CALN1: variants seen among roughly 807,000 people sequenced by gnomAD.
The protein encoded by CALN1 is calneuron 1, also known as calcium-binding protein 8.
CALN1 carries 17 observed loss-of-function variants against 30.6 expected under a neutral mutation model. The ratio of observed to expected loss-of-function variants is 0.56; its 90% CI spans 0.38 to 0.83. The LOEUF is 0.83. Ranked by LOEUF, CALN1 falls within the 40% of genes least tolerant of loss-of-function variation. CALN1 has a pLI of 0.00. For synonymous variants in CALN1, 156 were observed against 131.4 expected (o/e 1.19, Z -1.28); for missense variants, 291 against 354.9 (o/e 0.82, Z 1.45).
chr7:72,479,639 A>T, the CALN1 span, among the ~76,000 whole-genome samples: 1 of 148,626 alleles, frequency 6.7e-6, no homozygotes, highest in Non-Finnish European at 1.5e-5. Context: ...TGCAACCTCC[A>T]TCTCCTGGTT....
intron 2 of CALN1, among the ~76,000 whole-genome samples, chr7:72,377,535 A>G (rs1804642886): frequency 6.6e-6 from 1 of 151,860 alleles, no homozygotes; most frequent in Admixed American, 6.6e-5. Context: ...ATAAAGGAAT[A>G]ATTATGGAAA....
the CALN1 span, among the ~76,000 whole-genome samples, chr7:72,459,164 A>G: frequency 6.6e-6 from 1 of 151,964 alleles, no homozygotes; most frequent in South Asian, 2.1e-4. Flanking sequence ...TCAGCCTCCC[A>G]AAGTGCTGGG....
chr7:72,251,051 T>A (rs1258895128), intron 3 of CALN1, among the ~76,000 whole-genome samples: 1 of 152,148 alleles, frequency 6.6e-6, no homozygotes, highest in Admixed American at 6.5e-5. Context: ...AGACCAATCA[T>A]CTTGGAGCTG....
At chr7:72,326,142 G>C (rs1261769070) in intron 2 of CALN1, among the ~76,000 whole-genome samples, 2 of 152,156 alleles carry the variant, frequency 1.3e-5, no homozygotes, top group African/African-American at 4.8e-5. Flanking sequence ...GCCTCCCGAG[G>C]TCCGCCTGCC....
intron 3 of CALN1, among the ~76,000 whole-genome samples, chr7:72,136,192 G>A (rs920744584): frequency 1.5e-5 from 2 of 135,328 alleles, no homozygotes; most frequent in Non-Finnish European, 1.6e-5. Flanking sequence ...TTTCTGCATT[G>A]AAAAATCTGT....
At chr7:72,292,034 T>C (rs1798516954) in intron 2 of CALN1, among the ~76,000 whole-genome samples, 1 of 152,080 alleles carries the variant, frequency 6.6e-6, no homozygotes, top group Non-Finnish European at 1.5e-5. Flanking sequence ...ACATATGACT[T>C]TTGGGGAAAC....
At chr7:72,301,485 G>A (rs1281366463) in intron 2 of CALN1, among the ~76,000 whole-genome samples, 2 of 151,798 alleles carry the variant, frequency 1.3e-5, no homozygotes, top group Non-Finnish European at 2.9e-5. Context: ...GCGCATGCCT[G>A]TAGTCCCAGC....
chr7:71,924,647 T>A (rs1237961805), intron 5 of CALN1, among the ~76,000 whole-genome samples: 2 of 152,150 alleles, frequency 1.3e-5, no homozygotes, highest in Admixed American at 6.5e-5. Flanking sequence ...ATTTTTTTTT[T>A]ACTCTATCTG....
intron 3 of CALN1, among the ~76,000 whole-genome samples, chr7:72,133,279 CTAA>C (rs1416831842): frequency 6.6e-6 from 1 of 152,076 alleles, no homozygotes; most frequent in African/African-American, 2.4e-5. Context: ...ATCACTTTGA[CTAA>C]TGAGATTATG....
chr7:72,194,889 T>A (rs560362427), intron 3 of CALN1, among the ~76,000 whole-genome samples: 1 of 152,062 alleles, frequency 6.6e-6, no homozygotes, highest in African/African-American at 2.4e-5. Flanking sequence ...TTGCCTTTTA[T>A]TCCTCCCCTC....
intron 3 of CALN1, among the ~76,000 whole-genome samples, chr7:72,118,707 G>C (rs935307216): frequency 6.6e-6 from 1 of 152,170 alleles, no homozygotes; most frequent in Non-Finnish European, 1.5e-5. Context: ...ATATGTATGA[G>C]AGTGATAATC....
intron 3 of CALN1, among the ~76,000 whole-genome samples, chr7:72,151,992 T>C (rs1787290208): frequency 6.7e-6 from 1 of 148,970 alleles, no homozygotes; most frequent in Admixed American, 6.9e-5. Context: ...CACTGTAACC[T>C]CCATCTCCTG....
At chr7:72,076,646 A>AAAAAAAAAAGAAATCAGATG (rs1563035689) in intron 4 of CALN1, among the ~76,000 whole-genome samples, 1 of 124,532 alleles carries the variant, frequency 8.0e-6, no homozygotes, top group Non-Finnish European at 1.7e-5. Context: ...AAAAAAAAAA[A>AAAAAAAAAAGAAATCAGATG]AGCAAAGACA....
At chr7:72,475,416 G>A in the CALN1 span, among the ~76,000 whole-genome samples, 13 of 152,152 alleles carry the variant, frequency 8.5e-5, no homozygotes, top group African/African-American at 2.2e-4. Flanking sequence ...CCGAGATCGC[G>A]CCACTGCACT....
rs1487005088 is a variant in CALN1 at position 71,786,568 on chromosome 7, A to G, written c.*1207T>C. 1 of 152,134 alleles carries G rather than the reference A, an allele frequency of 6.6e-6. No individual in the cohort carries two copies. Among genetic ancestry groups the G allele is most frequent in the African/African-American group, 2.4e-5 (1 of 41,430 alleles). 9.4% of individuals were successfully genotyped at this position (152,134 alleles called of 1,614,324 possible). A position where few individuals can be genotyped will look rare whatever the true frequency, so the allele number is the denominator to read the frequency against. On this transcript the variant is annotated 3_prime_UTR_variant, in exon 7 of 7. Transcript: ENST00000395275. ...AAACTCATAAACATCTTTTCCCCCAACCTCCTGAAAATGAGTCAGTTGCAG... is the reference window on the plus strand; with the variant it reads ...AAACTCATAAACATCTTTTCCCCCAGCCTCCTGAAAATGAGTCAGTTGCAG...
intron 5 of CALN1, among the ~76,000 whole-genome samples, chr7:71,852,720 G>A (rs954307618): frequency 1.3e-5 from 2 of 152,050 alleles, no homozygotes; most frequent in African/African-American, 2.4e-5. Context: ...GCCAACATTC[G>A]GTATTTTCAG....
intron 5 of CALN1, among the ~76,000 whole-genome samples, chr7:71,884,213 A>G (rs1174908421): frequency 1.3e-5 from 2 of 152,066 alleles, no homozygotes; most frequent in Non-Finnish European, 2.9e-5. Context: ...GTGCCCGGCC[A>G]TATCAGCCTC....
intron 5 of CALN1, among the ~76,000 whole-genome samples, chr7:71,811,265 TGGTGTG>T (rs1363063226): frequency 1.3e-5 from 2 of 151,778 alleles, no homozygotes; most frequent in East Asian, 3.9e-4. Context: ...TGGAGTCCAG[TGGTGTG>T]ATCATAGCTC....
At chr7:72,321,175 A>G (rs1800851934) in intron 2 of CALN1, among the ~76,000 whole-genome samples, 1 of 129,644 alleles carries the variant, frequency 7.7e-6, no homozygotes, top group South Asian at 2.6e-4. Context: ...CACACCCTGA[A>G]AAAGCACTGT....
Sources: allele counts gnomAD v4.1 joint callset (sites outside exome capture counted in the v4.1 genomes callset), GRCh38; gene constraint gnomAD v4.1.1; transcripts MANE v1.5; gene names NCBI Gene and HGNC (gene_info 2026-07-23, HGNC 2026-07-21).